ZNF277: variants seen among roughly 807,000 people sequenced by gnomAD.
The protein encoded by ZNF277 is nuclear receptor-interacting factor 4.
A neutral mutation model predicts 60.7 loss-of-function variants in ZNF277; 55 were observed. The ratio of observed to expected loss-of-function variants is 0.91; its 90% confidence interval spans 0.73 to 1.13. The LOEUF (loss-of-function observed/expected upper bound fraction) is 1.13, where lower values mean the gene tolerates loss of function less well. ZNF277 is among the 50% of genes most tolerant of loss of function. The probability of loss-of-function intolerance (pLI) is 0.00; values close to 1 mark genes in which losing one functional copy is unlikely to be tolerated. For synonymous variants in ZNF277, 178 were observed against 179.3 expected (o/e 0.99, Z 0.06); for missense variants, 510 against 523.0 (o/e 0.98, Z 0.24).
chr7:112,220,838 T>C (rs966368807), intron 1 of ZNF277, among the ~76,000 whole-genome samples: 2 of 152,090 alleles, frequency 1.3e-5, no homozygotes, highest in Non-Finnish European at 2.9e-5. Flanking sequence ...CAATCATCTA[T>C]CACCTGAGAG....
intron 1 of ZNF277, among the ~76,000 whole-genome samples, chr7:112,219,556 T>C (rs1278670371): frequency 5.3e-5 from 8 of 152,206 alleles, no homozygotes; most frequent in Admixed American, 4.6e-4. Context: ...TTCTGAGTTC[T>C]CTGTTCTGTT....
intron 1 of ZNF277, among the ~76,000 whole-genome samples, chr7:112,230,996 C>T (rs776695033): frequency 2.4e-4 from 37 of 152,126 alleles, no homozygotes; most frequent in Non-Finnish European, 3.4e-4. Context: ...GGGCAGATCA[C>T]GAGGTCAGGA....
At chr7:112,226,164 A>G (rs971275197) in intron 1 of ZNF277, among the ~76,000 whole-genome samples, 7 of 152,200 alleles carry the variant, frequency 4.6e-5, no homozygotes, top group African/African-American at 1.7e-4. Context: ...AAACAGTTCC[A>G]TCTGTAAATA....
chr7:112,336,329 A>G (rs886478401), intron 8 of ZNF277, among the ~76,000 whole-genome samples, 158 bp downstream of exon 8: 1 of 152,222 alleles, frequency 6.6e-6, no homozygotes, highest in African/African-American at 2.4e-5. Context: ...ACTTGAATTC[A>G]AAATAACTTT....
intron 1 of ZNF277, among the ~76,000 whole-genome samples, chr7:112,274,647 C>A (rs1458005506): frequency 6.6e-6 from 1 of 152,058 alleles, no homozygotes; most frequent in East Asian, 1.9e-4. Context: ...ATTTATGATT[C>A]TATGTAAAAC....
At chr7:112,207,164 A>G (rs1032506115) in intron 1 of ZNF277, among the ~76,000 whole-genome samples, 4 of 152,068 alleles carry the variant, frequency 2.6e-5, no homozygotes, top group African/African-American at 7.2e-5. Context: ...GTGTGTTTAT[A>G]ATTTTGGGAT....
chr7:112,337,580 T>C (rs1298838524), intron 8 of ZNF277, 150 bp from the exon 9 acceptor site: 1 of 529,592 alleles, frequency 1.9e-6, no homozygotes, highest in Non-Finnish European at 3.4e-6. Flanking sequence ...CAGAGAGTCA[T>C]AATATGATGT....
chr7:112,282,882 T>G (rs1036410476), intron 1 of ZNF277, among the ~76,000 whole-genome samples: 5 of 152,236 alleles, frequency 3.3e-5, no homozygotes, highest in Admixed American at 2.0e-4. Context: ...TTCCTTCATC[T>G]GTAAAACAGA....
chr7:112,209,709 A>G (rs886338222), intron 1 of ZNF277, among the ~76,000 whole-genome samples: 7 of 152,220 alleles, frequency 4.6e-5, no homozygotes, highest in Admixed American at 4.6e-4. Flanking sequence ...TTTCAAAGCC[A>G]ACAAGGTGTG....
At chr7:112,264,290 ACTTT>A (rs1312576943) in intron 1 of ZNF277, among the ~76,000 whole-genome samples, 6 of 152,132 alleles carry the variant, frequency 3.9e-5, no homozygotes, top group Non-Finnish European at 7.4e-5. Flanking sequence ...TAATGCCCAA[ACTTT>A]CTTTAGCCAC....
chr7:112,265,305 C>T (rs1244310136), intron 1 of ZNF277, among the ~76,000 whole-genome samples: 1 of 151,978 alleles, frequency 6.6e-6, no homozygotes, highest in Non-Finnish European at 1.5e-5. Context: ...TATTCATTGC[C>T]CTAATTTGAA....
At chr7:112,281,532 T>G (rs1791944806) in intron 1 of ZNF277, among the ~76,000 whole-genome samples, 1 of 152,240 alleles carries the variant, frequency 6.6e-6, no homozygotes, top group Admixed American at 6.5e-5. Context: ...ATTGTTATCT[T>G]AGAATTCAAT....
rs112773770 is a variant in ZNF277, at chr7:112,241,156, G to GA, written c.91+34360dup. On this transcript the variant is annotated intron_variant, in intron 1 of 11. Transcript: ENST00000361822. Reference sequence around the variant, plus strand: ...ACAAGGAGTTCAAACAACTCTATTGGAAAAAAAAAAATCTAATAATCTCAT... The same window carrying GA: ...ACAAGGAGTTCAAACAACTCTATTGGAAAAAAAAAAAATCTAATAATCTCAT... Among the ~76,000 whole-genome samples, 297 of 144,734 alleles carry GA rather than the reference G, an allele frequency of 2.1e-3. 2 individuals are homozygous for GA. Among genetic ancestry groups the GA allele is most frequent in the African/African-American group, 5.8e-3 (230 of 39,610 alleles). 95.0% of individuals were successfully genotyped at this position (144,734 alleles called of 152,430 possible). A position where few individuals can be genotyped will look rare whatever the true frequency, so the allele number is the denominator to read the frequency against.
intron 7 of ZNF277, among the ~76,000 whole-genome samples, chr7:112,332,565 A>G (rs1236714818): frequency 6.6e-6 from 1 of 152,154 alleles, no homozygotes; most frequent in Non-Finnish European, 1.5e-5. Flanking sequence ...AATAAACTAA[A>G]AAGTGAGCCA....
intron 1 of ZNF277, among the ~76,000 whole-genome samples, chr7:112,217,337 T>C (rs1208384184): frequency 1.3e-5 from 2 of 152,136 alleles, no homozygotes; most frequent in Non-Finnish European, 2.9e-5. Context: ...TAAGGGCATA[T>C]ACAACAAGTA....
intron 1 of ZNF277, among the ~76,000 whole-genome samples, chr7:112,230,339 T>C (rs909204736): frequency 3.3e-5 from 5 of 152,332 alleles, no homozygotes; most frequent in African/African-American, 1.2e-4. Context: ...ACTTGTTAAT[T>C]GGACATGTTC....
chr7:112,285,061 C>A (rs374582483), intron 1 of ZNF277, among the ~76,000 whole-genome samples: 1 of 152,038 alleles, frequency 6.6e-6, no homozygotes, highest in African/African-American at 2.4e-5. Context: ...GACAGAGTCA[C>A]GCTCTGTCAC....
rs575144708 is a variant in ZNF277 at position 112,289,829 on chromosome 7, A to G, written c.293+2755A>G. 1.1e-3 allele frequency among the ~76,000 whole-genome samples: 170 copies of G among 151,906 alleles called. 5 individuals carry two copies. In the South Asian group the frequency reaches 0.017, roughly 15 times the overall value. Reference sequence around the variant, plus strand: ...AACCTCCACCTCCCTGGCTCAAGCAATCCTTCCACCTCAGCCTCCCCAAGT... The same window carrying G: ...AACCTCCACCTCCCTGGCTCAAGCAGTCCTTCCACCTCAGCCTCCCCAAGT... On this transcript the variant is annotated intron_variant, in intron 2 of 11. Coordinates refer to ENST00000361822, the MANE Select transcript of ZNF277 (RefSeq NM_021994.3).
chr7:112,253,215 G>T (rs1031292826), intron 1 of ZNF277, among the ~76,000 whole-genome samples: 1 of 152,152 alleles, frequency 6.6e-6, no homozygotes, highest in Non-Finnish European at 1.5e-5. Flanking sequence ...GTCCTCTGTT[G>T]TCTAAATATA....
Sources: gnomAD v4.1 joint callset for allele counts (sites outside exome capture counted in the v4.1 genomes callset) on GRCh38, gnomAD v4.1.1 for gene constraint, MANE v1.5 for transcripts, NCBI Gene and HGNC (gene_info 2026-07-23, HGNC 2026-07-21) for gene names.